Variants in RUSC1 observed in about 807,000 individuals in gnomAD.
The protein encoded by RUSC1 is RUN and SH3 domain containing 1, also known as AP-4 complex accessory subunit RUSC1.
Under a neutral mutation model 72.1 loss-of-function variants are expected in RUSC1, and 40 were observed. The observed-to-expected ratio is 0.55, with a 90% CI of 0.43 to 0.72. The LOEUF is 0.72. RUSC1 is among the 30% of genes least tolerant of loss of function. The pLI is 0.00. For missense variants in RUSC1, 1,092 were observed against 1,172.3 expected, an observed-to-expected ratio of 0.93 and a Z score of 1.00; for synonymous variants, 512 against 494.2, an observed-to-expected ratio of 1.04 and a Z score of -0.48.
chr1:155,330,363 ACCT>A, intron 9 of RUSC1, 37 bp from the exon 10 acceptor site: 1 of 1,609,964 alleles, frequency 6.2e-7, no homozygotes, highest in Non-Finnish European at 8.5e-7. Context: ...GGGCAGCCCC[ACCT>A]CACCTCATCC....
chr1:155,325,454 A>G lies in RUSC1; in HGVS notation c.1672A>G (p.Ser558Gly). The change falls in exon 5 of 10, where the codon AGC becomes GGC. Residue 558 changes from serine (S) to glycine (G), a missense_variant. Physicochemically the swap from Ser to Gly is moderately conservative, Grantham distance 56 (BLOSUM62 0). Transcript: ENST00000368352. This position sits in a 1 kb window ranked among gnomAD's most constrained non-coding sequence, Gnocchi z 6.5. ...KDLITGQRRS[S>G]PWSVVEASVK... ...CCTCATCACCGGGCAGCGCAGGAGC[A>G]GCCCCTGGAGCGTGGTGGAGGCGTC... The G allele has an allele frequency of 6.3e-7, 1 of 1,591,976 alleles. No individual in the cohort carries two copies. Among genetic ancestry groups the G allele is most frequent in the East Asian group, 2.3e-5 (1 of 44,272 alleles).
chr1:155,322,834 C>A lies in RUSC1; in HGVS notation c.1061C>A (p.Pro354His), dbSNP rs376306332. ...IVFSPDTELP[P>H]SGSPGGSSAP... The stretch of plus-strand genomic sequence containing the variant: ...TTCTCGCCCGACACCGAGCTCCCCC[C>A]CTCGGGGTCGCCGGGCGGCTCCTCG... The change falls in exon 2 of 10, where the codon CCC becomes CAC. Residue 354 changes from proline to histidine, a missense_variant. Pro to His is a moderately conservative substitution (Grantham distance 77). Coordinates refer to ENST00000368352, the MANE Select transcript of RUSC1 (RefSeq NM_001105203.2). 118 of 1,613,200 alleles carry A rather than the reference C, an allele frequency of 7.3e-5. No individual in the cohort carries two copies. Among genetic ancestry groups the A allele is most frequent in the East Asian group, 5.8e-4 (26 of 44,890 alleles).
Position 155,322,936 on chromosome 1 carries a change from G to A in RUSC1, c.1163G>A (p.Arg388Gln), listed in dbSNP as rs1394242482. ...GCCCCAGCCCCGCCAGTCCCGCCTC[G>A]AGACCCCCCAGTTGGCTGGGCTTTG... ...SRAPAPPVPP[R>Q]DPPVGWALVP... Residue 388 changes from arginine (R) to glutamine (Q), a missense_variant, in exon 2 of 10, where the codon CGA (arginine) becomes CAA (glutamine). Physicochemically the swap from Arg to Gln is conservative, Grantham distance 43. Transcript: ENST00000368352. 3.1e-6 allele frequency: 5 copies of A among 1,598,856 alleles called. No individual in the cohort carries two copies. The East Asian group carries it at 6.8e-5, about 22-fold the overall frequency.
At chr1:155,328,383 G>C in intron 9 of RUSC1, 108 bp downstream of exon 9, 8 of 1,188,524 alleles carry the variant, frequency 6.7e-6, no homozygotes, top group Non-Finnish European at 9.1e-6. Context: ...ACCGTGCTTA[G>C]TGTGCATTGC....
In RUSC1 at chr1:155,325,041, C is replaced by A; in HGVS notation, c.1457-61C>A. 6.2e-7 allele frequency: 1 copy of A among 1,613,988 alleles called. No homozygotes were observed. Among genetic ancestry groups the A allele is most frequent in the Non-Finnish European group, 8.5e-7 (1 of 1,179,908 alleles). ...GTCCGAAGGCAGTCTCTCCACGCCC[C>A]TCGGGCAAGCCTGGGTAGGGGCGCG... is the stretch of plus-strand genomic sequence containing the variant. On this transcript the variant is annotated intron_variant, in intron 3 of 9. Transcript: ENST00000368352. The surrounding 1 kb of genome is among the most constrained non-coding windows in gnomAD (Gnocchi z 6.5).
rs1304346492 is a variant in RUSC1, at chr1:155,326,625, C to T, written c.1907C>T (p.Ala636Val). The change falls in exon 8 of 10, where the codon GCC (alanine) becomes GTC (valine). Residue 636 changes from alanine (A) to valine (V), a missense_variant. Physicochemically the swap from Ala to Val is moderately conservative, Grantham distance 64 (BLOSUM62 0). Transcript: ENST00000368352. The surrounding 1 kb of genome is among the most constrained non-coding windows in gnomAD (Gnocchi z 4.7). ...CTGCCAACAGGATTTTTCTCCCTGGCCCGCGGTGGTTGTCCCTCCCTGTCC... is the reference window on the plus strand; with the variant it reads ...CTGCCAACAGGATTTTTCTCCCTGGTCCGCGGTGGTTGTCCCTCCCTGTCC... Reference protein sequence around the residue: ...LYLPTGFFSLARGGCPSLSTE... With the variant: ...LYLPTGFFSLVRGGCPSLSTE... 3.7e-6 allele frequency: 6 copies of T among 1,613,772 alleles called. No homozygotes were observed. Among genetic ancestry groups the T allele is most frequent in the South Asian group, 1.1e-5 (1 of 91,068 alleles).
rs1225434065 is a variant in RUSC1 at position 155,326,722 on chromosome 1, C to T, written c.2004C>T (p.His668=). ...TFHLDLLFEH[H]HHLPLGPPQA... ...ACCTGGACCTGCTCTTTGAGCACCA[C>T]CACCACCTGCCCCTGGGCCCACCTC... The change falls in exon 8 of 10, where the codon CAC becomes CAT. Residue 668 remains histidine (H), a synonymous_variant. Coordinates refer to ENST00000368352, the MANE Select transcript of RUSC1 (RefSeq NM_001105203.2). The surrounding 1 kb of genome is among the most constrained non-coding windows in gnomAD (Gnocchi z 4.7). 19 of 1,613,250 alleles carry T rather than the reference C, an allele frequency of 1.2e-5. No homozygotes were observed. The highest frequency in any genetic ancestry group is 1.7e-5 in the Admixed American group (1 of 60,014).
chr1:155,326,023 G>A lies in RUSC1; in HGVS notation c.1861+113G>A, dbSNP rs1651361564. The A allele has an allele frequency of 8.8e-7, 1 of 1,141,364 alleles. No individual in the cohort carries two copies. The highest frequency in any genetic ancestry group is 2.3e-5 in the East Asian group (1 of 42,632). The allele number at this position is 1,141,364 out of a possible 1,614,324, so 70.7% of individuals were successfully genotyped here. A position where few individuals can be genotyped will look rare whatever the true frequency, so the allele number is the denominator to read the frequency against. ...CAGAATGCCATTAATCCAGATCTCC[G>A]ATCTTATTACTCTTCTAATTAAAAC... On this transcript the variant is annotated intron_variant, in intron 7 of 9. Coordinates refer to ENST00000368352, the MANE Select transcript of RUSC1 (RefSeq NM_001105203.2). This position sits in a 1 kb window ranked among gnomAD's most constrained non-coding sequence, Gnocchi z 4.7.
chr1:155,322,334 C>T lies in RUSC1; in HGVS notation c.561C>T (p.Thr187=), dbSNP rs1231259264. ...ACTCGAACTGCAACGCCCTGACCACCTGCCAGGACGTCCCTTCCCCAGGCT... is the reference window on the plus strand; with the variant it reads ...ACTCGAACTGCAACGCCCTGACCACTTGCCAGGACGTCCCTTCCCCAGGCT... ...GLDSNCNALT[T]CQDVPSPGLE... The change falls in exon 2 of 10, where the codon ACC becomes ACT. Residue 187 remains threonine, a synonymous_variant. Transcript: ENST00000368352. The T allele has an allele frequency of 6.2e-7, 1 of 1,612,604 alleles. No homozygotes were observed. The highest frequency in any genetic ancestry group is 8.5e-7 in the Non-Finnish European group (1 of 1,178,868).
At chr1:155,324,988 CCTTCGCCCCCGGCCCTG>C (rs1422491441) in intron 3 of RUSC1, 45 bp downstream of exon 3, 1 of 1,613,954 alleles carries the variant, frequency 6.2e-7, no homozygotes, top group South Asian at 1.1e-5. Context: ...AATAAACTGC[CCTTCGCCCCCGGCCCTG>C]CTCTCAGGCT....
chr1:155,326,517 C>A lies in RUSC1; in HGVS notation c.1862-63C>A. The A allele has an allele frequency of 6.6e-7, 1 of 1,518,258 alleles. No homozygotes were observed. The highest frequency in any genetic ancestry group is 8.9e-7 in the Non-Finnish European group (1 of 1,118,996). 94.0% of individuals were successfully genotyped at this position (1,518,258 alleles called of 1,614,324 possible). On this transcript the variant is annotated intron_variant, in intron 7 of 9. Transcript: ENST00000368352. This position sits in a 1 kb window ranked among gnomAD's most constrained non-coding sequence, Gnocchi z 4.7. ...AAGATGTGTGCTGACTGGTGGGCTG[C>A]TCTGGGGGGTCTTCTGGGACTAGGT...
rs186304234 is a variant in RUSC1, at chr1:155,328,169, C to T, written c.2434C>T (p.Pro812Ser). 6.2e-7 allele frequency: 1 copy of T among 1,613,080 alleles called. No individual in the cohort carries two copies. The highest frequency in any genetic ancestry group is 8.5e-7 in the Non-Finnish European group (1 of 1,179,562). Residue 812 changes from proline (P) to serine (S), a missense_variant, in exon 9 of 10, where the codon CCC (proline) becomes TCC (serine). By Grantham distance (74) the Pro-to-Ser change is moderately conservative. Coordinates refer to ENST00000368352, the MANE Select transcript of RUSC1 (RefSeq NM_001105203.2). ...TTTTAGGAGACCATCTAGCTGGCTGCCCCCGACAGTGAGTGTGTTGGCTCT... is the reference window on the plus strand; with the variant it reads ...TTTTAGGAGACCATCTAGCTGGCTGTCCCCGACAGTGAGTGTGTTGGCTCT... The part of the protein sequence containing the change: ...LKSRRPSSWL[P>S]PTVSVLALVK...
rs1557986372 is a variant in RUSC1 at position 155,320,934 on chromosome 1, C to T, written c.-144C>T. 3 of 1,573,704 alleles carry T rather than the reference C, an allele frequency of 1.9e-6. No individual in the cohort carries two copies. The highest frequency in any genetic ancestry group is 2.6e-6 in the Non-Finnish European group (3 of 1,158,768). On this transcript the variant is annotated 5_prime_UTR_variant, in exon 1 of 10. Transcript: ENST00000368352. ...CCCTCCCGCTCTGTGCCCCGCCGGG[C>T]GGGGACCGTGGGAGCCGCGGACAAG...
chr1:155,324,160 C>A, intron 2 of RUSC1: 1 of 1,356,328 alleles, frequency 7.4e-7, no homozygotes, highest in Non-Finnish European at 9.5e-7. Context: ...AATTCCTTGG[C>A]CTGTGCAGCT....
At position 155,324,961 on chromosome 1, in the gene RUSC1, C is replaced by T; in HGVS notation, c.1456+18C>T. On this transcript the variant is annotated intron_variant, in intron 3 of 9. Transcript: ENST00000368352. ...GAAGAAAGGTAGGGCACCCTGACTCCCGACCCCGCGCTTCCGAATAAACTG... is the reference window on the plus strand; with the variant it reads ...GAAGAAAGGTAGGGCACCCTGACTCTCGACCCCGCGCTTCCGAATAAACTG... 6.2e-7 allele frequency: 1 copy of T among 1,614,096 alleles called. No homozygotes were observed. The highest frequency in any genetic ancestry group is 1.7e-5 in the Admixed American group (1 of 60,028).
Position 155,326,250 on chromosome 1 carries a change from C to A in RUSC1, c.1862-330C>A. ...CTATCATTCATCCTTTGAGTCCTTC[C>A]CCAGTGAGGCCCTACCTCTACCCTC... On this transcript the variant is annotated intron_variant, in intron 7 of 9. Coordinates refer to ENST00000368352, the MANE Select transcript of RUSC1 (RefSeq NM_001105203.2). The surrounding 1 kb of genome is among the most constrained non-coding windows in gnomAD (Gnocchi z 4.7). The A allele has an allele frequency of 1.8e-6, 1 of 540,880 alleles. No individual in the cohort carries two copies. Among genetic ancestry groups the A allele is most frequent in the Non-Finnish European group, 3.3e-6 (1 of 302,412 alleles). 33.5% of individuals were successfully genotyped at this position (540,880 alleles called of 1,614,324 possible). A position where few individuals can be genotyped will look rare whatever the true frequency, so the allele number is the denominator to read the frequency against.
At chr1:155,323,975 G>T in intron 2 of RUSC1, 11 of 1,013,132 alleles carry the variant, frequency 1.1e-5, no homozygotes, top group Non-Finnish European at 1.2e-5. Context: ...GGGGAGTCTG[G>T]CCCCGTTCCT....
In RUSC1 at chr1:155,325,175, G is replaced by C. The variant is rs966416561; in HGVS notation, c.1530G>C (p.Gln510His). The change falls in exon 4 of 10, where the codon CAG becomes CAC. Residue 510 changes from glutamine (Q) to histidine (H), a missense_variant. Coordinates refer to ENST00000368352, the MANE Select transcript of RUSC1 (RefSeq NM_001105203.2). The surrounding 1 kb of genome is among the most constrained non-coding windows in gnomAD (Gnocchi z 6.5). Reference sequence around the variant, plus strand: ...TCGGGGCCGCCCGGAACTTGGTGCAGAAGGTGAAGGTGGCTGGGGGGAGGC... The same window carrying C: ...TCGGGGCCGCCCGGAACTTGGTGCACAAGGTGAAGGTGGCTGGGGGGAGGC... ...SHFGAARNLVQKAQLGDSRLS... is the reference protein window; with the variant it reads ...SHFGAARNLVHKAQLGDSRLS... 6.2e-7 allele frequency: 1 copy of C among 1,614,264 alleles called. No individual in the cohort carries two copies. Among genetic ancestry groups the C allele is most frequent in the African/African-American group, 1.3e-5 (1 of 75,076 alleles).
At position 155,322,043 on chromosome 1, in the gene RUSC1, G is replaced by A. The variant is rs753590618; in HGVS notation, c.270G>A (p.Glu90=). ...GLENRQDPSQ[E]EEGAASPSDP... is the part of the protein sequence containing the mutation. ...AAAACCGGCAGGACCCGTCACAGGA[G>A]GAAGAGGGGGCTGCCTCTCCCTCAG... The change falls in exon 2 of 10, where the codon GAG becomes GAA. Residue 90 remains glutamate, a synonymous_variant. Coordinates refer to ENST00000368352, the MANE Select transcript of RUSC1 (RefSeq NM_001105203.2). The A allele has an allele frequency of 3.1e-5, 50 of 1,613,172 alleles. No homozygotes were observed. The highest frequency in any genetic ancestry group is 1.6e-4 in the Middle Eastern group (1 of 6,082).
Sources: gnomAD v4.1 joint callset for allele counts on GRCh38, gnomAD v4.1.1 for gene constraint, Gnocchi (gnomAD v3.1) non-coding constraint, MANE v1.5 for transcripts, NCBI Gene and HGNC (gene_info 2026-07-23, HGNC 2026-07-21) for gene names.